Variants in PACRG observed in about 807,000 individuals in gnomAD.
The protein encoded by PACRG is parkin coregulated gene protein.
A neutral mutation model predicts 29.7 loss-of-function variants in PACRG; 29 were observed. The ratio of observed to expected loss-of-function variants is 0.98; its 90% confidence interval spans 0.73 to 1.33. The LOEUF (loss-of-function observed/expected upper bound fraction) is 1.33. PACRG is among the 40% of genes most tolerant of loss of function. PACRG has a pLI of 0.00. For missense variants in PACRG, 279 were observed against 316.2 expected, an observed-to-expected ratio of 0.88 and a Z score of 0.89; for synonymous variants, 116 against 118.7, an observed-to-expected ratio of 0.98 and a Z score of 0.15.
At chr6:162,727,709 C>T (rs1174302901), upstream of PACRG, 6 of 1,558,132 alleles carry the variant, frequency 3.9e-6, no homozygotes, top group Non-Finnish European at 5.2e-6. Flanking sequence ...GGAACAGGCC[C>T]ATGCGCGCAG....
At chr6:163,144,726 G>T (rs780566994) in intron 4 of PACRG, among the ~76,000 whole-genome samples, 53 of 152,054 alleles carry the variant, frequency 3.5e-4, no homozygotes, top group Non-Finnish European at 6.9e-4. Flanking sequence ...CCAAGATCAC[G>T]CCACTGCACT....
chr6:163,301,557 C>T (rs987164632), intron 4 of PACRG, among the ~76,000 whole-genome samples: 2 of 152,186 alleles, frequency 1.3e-5, no homozygotes, highest in South Asian at 2.1e-4. Context: ...GTCCTGCTGT[C>T]CCTCATGGCC....
At chr6:163,110,966 G>T (rs550367264) in intron 4 of PACRG, among the ~76,000 whole-genome samples, 5 of 152,352 alleles carry the variant, frequency 3.3e-5, no homozygotes, top group African/African-American at 1.2e-4. Context: ...ATCCACATGT[G>T]TCAAATCCAA....
chr6:162,774,399 T>G (rs1477768256), intron 1 of PACRG, among the ~76,000 whole-genome samples: 1 of 152,240 alleles, frequency 6.6e-6, no homozygotes, highest in Non-Finnish European at 1.5e-5. Flanking sequence ...CCCCTTTAGA[T>G]ATGTTCATAA....
At chr6:163,207,417 C>T (rs1379164982) in intron 4 of PACRG, among the ~76,000 whole-genome samples, 2 of 152,186 alleles carry the variant, frequency 1.3e-5, no homozygotes, top group Non-Finnish European at 2.9e-5. Context: ...AAATTTGCAA[C>T]ATAAAAATAA....
chr6:162,844,471 A>T (rs1413938741), intron 2 of PACRG, among the ~76,000 whole-genome samples: 1 of 152,132 alleles, frequency 6.6e-6, no homozygotes, highest in African/African-American at 2.4e-5. Context: ...TGGTGCGCGC[A>T]CCCACTGACC....
chr6:162,812,405 A>T (rs192769206), intron 1 of PACRG, among the ~76,000 whole-genome samples: 1 of 152,086 alleles, frequency 6.6e-6, no homozygotes, highest in Non-Finnish European at 1.5e-5. Flanking sequence ...TATTTGCACT[A>T]TACACTGGCA....
intron 4 of PACRG, among the ~76,000 whole-genome samples, chr6:163,164,290 T>C (rs746136635): frequency 1.2e-4 from 18 of 152,238 alleles, no homozygotes; most frequent in Non-Finnish European, 2.2e-4. Context: ...CATGTGTTCA[T>C]GGCACAGCCT....
chr6:163,055,344 ACACACACACG>A lies in PACRG; in HGVS notation c.292-6789_292-6780del, dbSNP rs941398557. Among the ~76,000 whole-genome samples the A allele has an allele frequency of 2.3e-4, 35 of 150,570 alleles. No homozygotes were observed. The East Asian group carries it at 3.0e-3, about 13-fold the overall frequency. ...TATCCAGGTGTGCACACACACATGC[ACACACACACG>A]CACACACACGCACACATATACACAC... On this transcript the variant is annotated intron_variant, in intron 2 of 4. Transcript: ENST00000366888. The surrounding 1 kb of genome is among the most constrained non-coding windows in gnomAD (Gnocchi z 4.0).
rs1782494110 is a variant in PACRG, at chr6:162,762,969, C to CA, written c.156+34579dup. Among the ~76,000 whole-genome samples the CA allele has an allele frequency of 3.3e-5, 5 of 152,284 alleles. No individual in the cohort carries two copies. In the South Asian group the frequency reaches 1.0e-3, roughly 32 times the overall value. Reference sequence around the variant, plus strand: ...TTCACTTTAATGGCATTTAGGAATACATTTAACTAAAAACATCCACTCAAA... The same window carrying CA: ...TTCACTTTAATGGCATTTAGGAATACAATTTAACTAAAAACATCCACTCAAA... On this transcript the variant is annotated intron_variant, in intron 1 of 4. Coordinates refer to ENST00000366888, the MANE Select transcript of PACRG (RefSeq NM_001080379.2).
chr6:162,789,587 C>T (rs545932875), intron 1 of PACRG, among the ~76,000 whole-genome samples: 2 of 152,206 alleles, frequency 1.3e-5, no homozygotes, highest in African/African-American at 4.8e-5. Flanking sequence ...TTTCAATTAA[C>T]TCTTGGTTTC....
chr6:162,808,920 T>A (rs1219191366), intron 1 of PACRG, among the ~76,000 whole-genome samples: 1 of 152,212 alleles, frequency 6.6e-6, no homozygotes, highest in Non-Finnish European at 1.5e-5. Context: ...AGAGTCGTTT[T>A]GCTTGTTTTA....
At chr6:163,018,753 T>G (rs1806331840) in intron 2 of PACRG, among the ~76,000 whole-genome samples, 1 of 151,264 alleles carries the variant, frequency 6.6e-6, no homozygotes, top group East Asian at 2.0e-4. Context: ...TCCAGTCTTT[T>G]GGGGAGGGAG....
At chr6:163,089,134 G>A in intron 3 of PACRG, 125 bp from the exon 4 acceptor site, 2 of 872,428 alleles carry the variant, frequency 2.3e-6, no homozygotes, top group Non-Finnish European at 3.4e-6. Context: ...AATAATAAAG[G>A]CCCATTGGTC....
At chr6:163,108,969 A>G (rs16894487) in intron 4 of PACRG, among the ~76,000 whole-genome samples, 3,667 of 152,270 alleles carry the variant, frequency 0.024, 164 homozygotes, top group African/African-American at 0.083. Flanking sequence ...CTTCAGGATA[A>G]AACTTTAGAT....
intron 4 of PACRG, among the ~76,000 whole-genome samples, chr6:163,282,097 G>A (rs895710100): frequency 6.6e-6 from 1 of 151,916 alleles, no homozygotes; most frequent in Non-Finnish European, 1.5e-5. Flanking sequence ...TTTCCTTATT[G>A]AATAAAGCAT....
intron 2 of PACRG, among the ~76,000 whole-genome samples, chr6:163,033,024 T>C (rs764545403): frequency 2.6e-5 from 4 of 152,228 alleles, no homozygotes; most frequent in African/African-American, 4.8e-5. Context: ...CATAACTTGC[T>C]TAAGCCTTCA....
At chr6:162,827,698 A>T (rs1788403372) in intron 2 of PACRG, among the ~76,000 whole-genome samples, 2 of 152,126 alleles carry the variant, frequency 1.3e-5, no homozygotes, top group Non-Finnish European at 2.9e-5. Flanking sequence ...ATCTCTGTGC[A>T]TGTAGATTAC....
At chr6:163,037,202 G>A (rs577588655) in intron 2 of PACRG, among the ~76,000 whole-genome samples, 4 of 152,316 alleles carry the variant, frequency 2.6e-5, no homozygotes, top group South Asian at 2.1e-4. Context: ...TCTGAAGCCC[G>A]TCCGAGGGTC....
Sources: allele counts gnomAD v4.1 joint callset (sites outside exome capture counted in the v4.1 genomes callset), GRCh38; gene constraint gnomAD v4.1.1; non-coding constraint Gnocchi (gnomAD v3.1); transcripts MANE v1.5; gene names NCBI Gene and HGNC (gene_info 2026-07-23, HGNC 2026-07-21).